Variants in LRRC27 observed in about 807,000 individuals in gnomAD.
LRRC27 encodes leucine-rich repeat-containing protein 27.
In LRRC27, 57 loss-of-function variants were observed where a neutral mutation model predicts 55.0. That is an observed-to-expected ratio of 1.04 (90% confidence interval 0.84 to 1.29). LRRC27 has a LOEUF of 1.29. Ranked by LOEUF, LRRC27 falls within the 50% of genes most tolerant of loss-of-function variation. The probability of loss-of-function intolerance (pLI) is 0.00; values close to 1 mark genes in which losing one functional copy is unlikely to be tolerated. For missense variants in LRRC27, 721 were observed against 651.5 expected (o/e 1.11, Z -1.16); for synonymous variants, 278 against 251.9 (o/e 1.10, Z -0.98).
Position 132,375,255 on chromosome 10 carries a change from G to A in LRRC27, c.*13G>A. On this transcript the variant is annotated 3_prime_UTR_variant, in exon 11 of 11. Coordinates refer to ENST00000368614, the MANE Select transcript of LRRC27 (RefSeq NM_030626.3). ...CAGATACCAGTGACACCAGGTGGCT[G>A]GACTGATGGAGACGTCTTCAGACAG... is the stretch of plus-strand genomic sequence containing the variant. 1 of 1,606,044 alleles carries A rather than the reference G, an allele frequency of 6.2e-7. No homozygotes were observed. The highest frequency in any genetic ancestry group is 1.3e-5 in the African/African-American group (1 of 74,800).
chr10:132,330,724 G>C (rs1009620548), upstream of LRRC27, among the ~76,000 whole-genome samples: 4 of 144,894 alleles, frequency 2.8e-5, no homozygotes, highest in African/African-American at 1.0e-4. Flanking sequence ...TGCCCAGGCT[G>C]GTCTCCAACT....
chr10:132,375,158 G>A lies in LRRC27; in HGVS notation c.1509G>A (p.Ser503=), dbSNP rs765005056. ...RRRAALTGNL[S]LGLPAAQPQN... The stretch of plus-strand genomic sequence containing the variant: ...GGGCGGCCCTCACTGGAAACCTTTC[G>A]CTTGGCCTGCCGGCAGCACAGCCTC... Residue 503 remains serine (S), a synonymous_variant, in exon 11 of 11, where the codon TCG becomes TCA. Coordinates refer to ENST00000368614, the MANE Select transcript of LRRC27 (RefSeq NM_030626.3). 11 of 1,613,966 alleles carry A rather than the reference G, an allele frequency of 6.8e-6. No homozygotes were observed. The highest frequency in any genetic ancestry group is 9.3e-6 in the Non-Finnish European group (11 of 1,179,984).
In LRRC27 at chr10:132,372,587, G is replaced by A. The variant is rs926363695; in HGVS notation, c.1417-2479G>A. Among the ~76,000 whole-genome samples the A allele has an allele frequency of 2.6e-5, 4 of 152,034 alleles. No homozygotes were observed. Among genetic ancestry groups the A allele is most frequent in the Non-Finnish European group, 4.4e-5 (3 of 67,990 alleles). ...CCATTTCAAAAAACAAAAAGGAAGCGGAGTCTATACAGGTCACGCCAGGGC... is the reference window on the plus strand; with the variant it reads ...CCATTTCAAAAAACAAAAAGGAAGCAGAGTCTATACAGGTCACGCCAGGGC... On this transcript the variant is annotated intron_variant, in intron 10 of 10. Coordinates refer to ENST00000368614, the MANE Select transcript of LRRC27 (RefSeq NM_030626.3). This position sits in a 1 kb window ranked among gnomAD's most constrained non-coding sequence, Gnocchi z 4.0.
At chr10:132,353,212 T>A in intron 7 of LRRC27, 2 of 1,355,730 alleles carry the variant, frequency 1.5e-6, no homozygotes, top group Non-Finnish European at 1.9e-6. Flanking sequence ...CTTTCCCGGC[T>A]TCTTTGTGAG....
rs1244311831 is a variant in LRRC27, at chr10:132,378,941, G to T, written c.*3699G>T. ...CATCCTGCTCCTCTCCAGAGTTTCC[G>T]GTCACCTCCGTGTTCTCAGGGAGTG... is the stretch of plus-strand genomic sequence containing the variant. On this transcript the variant is annotated 3_prime_UTR_variant, in exon 11 of 11. Coordinates refer to ENST00000368614, the MANE Select transcript of LRRC27 (RefSeq NM_030626.3). The T allele has an allele frequency of 0.013, 951 of 71,224 alleles. No homozygotes were observed. The highest frequency in any genetic ancestry group is 0.045 in the Middle Eastern group (4 of 88). The allele number at this position is 71,224 out of a possible 1,614,324, so 4.4% of individuals were successfully genotyped here.
rs976152890 is a variant in LRRC27 at position 132,377,355 on chromosome 10, C to T, written c.*2113C>T. ...GTGATCAATTTTTTTATTTATATCT[C>T]TTGTATTAGAGTTTTAGTAATATCT... On this transcript the variant is annotated 3_prime_UTR_variant, in exon 11 of 11. Coordinates refer to ENST00000368614, the MANE Select transcript of LRRC27 (RefSeq NM_030626.3). 5.3e-5 allele frequency: 8 copies of T among 152,096 alleles called. No homozygotes were observed. The highest frequency in any genetic ancestry group is 1.9e-4 in the African/African-American group (8 of 41,394). The allele number at this position is 152,096 out of a possible 1,614,324, so 9.4% of individuals were successfully genotyped here.
rs2069247880 is a variant in LRRC27, at chr10:132,372,774, C to A, written c.1417-2292C>A. On this transcript the variant is annotated intron_variant, in intron 10 of 10. Coordinates refer to ENST00000368614, the MANE Select transcript of LRRC27 (RefSeq NM_030626.3). The surrounding 1 kb of genome is among the most constrained non-coding windows in gnomAD (Gnocchi z 4.0). ...TGCAGAAGGTCAGGTGCACAACCGA[C>A]CAGGAGGGCTGGCCAGCTCCATGGC... 6.6e-6 allele frequency among the ~76,000 whole-genome samples: 1 copy of A among 152,196 alleles called. No individual in the cohort carries two copies. Among genetic ancestry groups the A allele is most frequent in the Non-Finnish European group, 1.5e-5 (1 of 68,040 alleles).
chr10:132,353,930 C>G (rs1412876347), intron 7 of LRRC27, among the ~76,000 whole-genome samples: 1 of 152,234 alleles, frequency 6.6e-6, no homozygotes, highest in Non-Finnish European at 1.5e-5. Flanking sequence ...CCCACTCCTG[C>G]CTCGGCTCTG....
rs1033371314 is a variant in LRRC27 at position 132,381,441 on chromosome 10, C to T, written c.*6199C>T. On this transcript the variant is annotated 3_prime_UTR_variant, in exon 11 of 11. Coordinates refer to ENST00000368614, the MANE Select transcript of LRRC27 (RefSeq NM_030626.3). ...TCCTTGCCCCTCAGTTTGCAGACAG[C>T]CTATTGTGGGACTTCACCCTGTGAT... Among the ~76,000 whole-genome samples the T allele has an allele frequency of 6.6e-6, 1 of 152,246 alleles. No homozygotes were observed. The highest frequency in any genetic ancestry group is 2.4e-5 in the African/African-American group (1 of 41,458).
At position 132,361,304 on chromosome 10, in the gene LRRC27, G is replaced by T. The variant is rs117995643; in HGVS notation, c.1171-153G>T. 1.6e-3 allele frequency among the ~76,000 whole-genome samples: 250 copies of T among 152,378 alleles called. 1 individual carries two copies. Among genetic ancestry groups the T allele is most frequent in the Non-Finnish European group, 3.0e-3 (203 of 68,034 alleles). The stretch of plus-strand genomic sequence containing the variant: ...GCGAGAGCTAGCCAAGACCTGGGGG[G>T]ATGACTGCGTTGCACAGGGACCGTC... On this transcript the variant is annotated intron_variant, in intron 8 of 10. Transcript: ENST00000368614.
chr10:132,330,672 AT>A (rs57850207), upstream of LRRC27, among the ~76,000 whole-genome samples: 3,153 of 126,922 alleles, frequency 0.025, 49 homozygotes, highest in Middle Eastern at 0.047. Context: ...CACACCCAGC[AT>A]TTTTTTTTTT....
chr10:132,355,819 A>G lies in LRRC27; in HGVS notation c.1103A>G (p.Glu368Gly), dbSNP rs748380004. 2.1e-5 allele frequency: 33 copies of G among 1,556,422 alleles called. No homozygotes were observed. The South Asian group carries it at 3.2e-4, about 15-fold the overall frequency. ...REKRALQEWR[E>G]RAQRMRKRKE... ...AAAAGGGCACTGCAGGAGTGGAGAGAGCGAGCCCAGAGGATGAGGAAGAGG... is the reference window on the plus strand; with the variant it reads ...AAAAGGGCACTGCAGGAGTGGAGAGGGCGAGCCCAGAGGATGAGGAAGAGG... The change falls in exon 8 of 11, where the codon GAG becomes GGG. Residue 368 changes from glutamate to glycine, a missense_variant. Transcript: ENST00000368614.
Position 132,380,155 on chromosome 10 carries a change from G to T in LRRC27, c.*4913G>T, listed in dbSNP as rs1435223802. Among the ~76,000 whole-genome samples, 1 of 152,114 alleles carries T rather than the reference G, an allele frequency of 6.6e-6. No individual in the cohort carries two copies. On this transcript the variant is annotated 3_prime_UTR_variant, in exon 11 of 11. Coordinates refer to ENST00000368614, the MANE Select transcript of LRRC27 (RefSeq NM_030626.3). ...CTACTAAAAATAAAAAATTAGCCAG[G>T]CATGGTGGCACATGCCTGTAACTCC...
At position 132,355,779 on chromosome 10, in the gene LRRC27, C is replaced by T; in HGVS notation, c.1074-11C>T. 3.2e-6 allele frequency: 5 copies of T among 1,544,248 alleles called. No individual in the cohort carries two copies. The highest frequency in any genetic ancestry group is 4.4e-6 in the Non-Finnish European group (5 of 1,140,476). On this transcript the variant is annotated splice_polypyrimidine_tract_variant and intron_variant, in intron 7 of 10. Coordinates refer to ENST00000368614, the MANE Select transcript of LRRC27 (RefSeq NM_030626.3). ...CCTGTAACTTATGACATTAACCTTC[C>T]CTTTCTCCAGAGAGAAAAGGGCACT...
intron 10 of LRRC27, among the ~76,000 whole-genome samples, chr10:132,367,318 G>A: frequency 6.6e-6 from 1 of 152,156 alleles, no homozygotes; most frequent in Non-Finnish European, 1.5e-5. Flanking sequence ...AAACATTTAA[G>A]GTTTAAGGAA....
upstream of LRRC27, chr10:132,331,471 G>A (rs1442186715): frequency 3.7e-6 from 6 of 1,612,756 alleles, no homozygotes; most frequent in East Asian, 4.5e-5. Flanking sequence ...TCCGTCCAGA[G>A]GCAGCCTTAC....
At chr10:132,347,683 G>T (rs1179382767) in intron 5 of LRRC27, among the ~76,000 whole-genome samples, 2 of 147,180 alleles carry the variant, frequency 1.4e-5, no homozygotes, top group African/African-American at 2.5e-5. Context: ...GGTGCGCCCG[G>T]TGGTGCCTGC....
chr10:132,364,915 G>T (rs1226963410), intron 9 of LRRC27, among the ~76,000 whole-genome samples: 1 of 75,158 alleles, frequency 1.3e-5, no homozygotes. Context: ...CAGATCCCCA[G>T]CTCTTTCTAC....
At chr10:132,330,285 C>A, upstream of LRRC27, 1 of 603,136 alleles carries the variant, frequency 1.7e-6, no homozygotes, top group South Asian at 1.9e-5. Context: ...AGGGAATACG[C>A]TCAAATGGTT....
Sources: allele counts gnomAD v4.1 joint callset (sites outside exome capture counted in the v4.1 genomes callset), GRCh38; gene constraint gnomAD v4.1.1; non-coding constraint Gnocchi (gnomAD v3.1); transcripts MANE v1.5; gene names NCBI Gene and HGNC (gene_info 2026-07-23, HGNC 2026-07-21).